PTPRG: variants seen among roughly 807,000 people sequenced by gnomAD.
PTPRG encodes protein tyrosine phosphatase receptor type G, also known as receptor-type tyrosine-protein phosphatase gamma.
PTPRG carries 102 observed loss-of-function variants against 165.3 expected under a neutral mutation model. The observed-to-expected ratio is 0.62, with a 90% CI of 0.53 to 0.73. PTPRG has a LOEUF of 0.73. Ranked by LOEUF, PTPRG falls within the 30% of genes least tolerant of loss-of-function variation. The probability of loss-of-function intolerance (pLI) is 0.00; values close to 1 mark genes in which losing one functional copy is unlikely to be tolerated. For synonymous variants in PTPRG, 675 were observed against 669.5 expected, an observed-to-expected ratio of 1.01 and a Z score of -0.13; for missense variants, 1,866 against 1,861.4, an observed-to-expected ratio of 1.00 and a Z score of -0.05.
intron 2 of PTPRG, among the ~76,000 whole-genome samples, chr3:61,806,299 G>C (rs896966864): frequency 2.6e-5 from 4 of 152,182 alleles, no homozygotes; most frequent in African/African-American, 4.8e-5. Context: ...TGGCGAGAAA[G>C]AAAGTTGAGT....
chr3:61,980,584 G>A (rs890576534), intron 2 of PTPRG, among the ~76,000 whole-genome samples: 6 of 152,060 alleles, frequency 3.9e-5, no homozygotes, highest in Non-Finnish European at 7.4e-5. Flanking sequence ...TGACATTTTC[G>A]TCTTAGTGAA....
chr3:62,258,642 CTT>C (rs1559716626), intron 16 of PTPRG, among the ~76,000 whole-genome samples: 1 of 152,166 alleles, frequency 6.6e-6, no homozygotes, highest in African/African-American at 2.4e-5. Context: ...ACCTTTGACT[CTT>C]TGTCTAGAAG....
At chr3:61,688,341 G>T (rs1404606630) in intron 1 of PTPRG, among the ~76,000 whole-genome samples, 1 of 152,218 alleles carries the variant, frequency 6.6e-6, no homozygotes, top group African/African-American at 2.4e-5. Flanking sequence ...CCACGGGCCA[G>T]CCTAGACTCT....
intron 5 of PTPRG, among the ~76,000 whole-genome samples, chr3:62,091,208 T>C (rs547934965): frequency 1.4e-4 from 21 of 152,330 alleles, no homozygotes; most frequent in African/African-American, 5.0e-4. Context: ...CCTCCTGGCC[T>C]ACTTGCATGT....
chr3:62,153,089 G>A (rs1342688036), intron 6 of PTPRG, among the ~76,000 whole-genome samples: 4 of 152,180 alleles, frequency 2.6e-5, no homozygotes, highest in Non-Finnish European at 5.9e-5. Context: ...GTGAAAGTGT[G>A]CTTGTTATTT....
chr3:62,042,363 C>T (rs1013829191), intron 4 of PTPRG, among the ~76,000 whole-genome samples: 4 of 152,182 alleles, frequency 2.6e-5, no homozygotes, highest in African/African-American at 9.6e-5. Context: ...TCCCAGTGTC[C>T]ATATTTTAAA....
In PTPRG at chr3:62,116,349, A is replaced by T. The variant is rs189281762; in HGVS notation, c.616-16253A>T. The stretch of plus-strand genomic sequence containing the variant: ...GTTACACCCTACTCTGATGTGCTTT[A>T]TTGGCCGGAAATCTTCTTTCCATAA... On this transcript the variant is annotated intron_variant, in intron 5 of 29. Transcript: ENST00000474889. Among the ~76,000 whole-genome samples, 1,282 of 152,234 alleles carry T rather than the reference A, an allele frequency of 8.4e-3. 20 individuals are homozygous for T. Among genetic ancestry groups the T allele is most frequent in the African/African-American group, 0.03 (1,225 of 41,522 alleles).
chr3:62,078,078 G>T, intron 4 of PTPRG, 85 bp from the exon 5 acceptor site: 2 of 852,012 alleles, frequency 2.3e-6, no homozygotes, highest in Non-Finnish European at 3.7e-6. Flanking sequence ...AGCAACTGGG[G>T]AATATACATT....
At chr3:62,160,653 T>C (rs1264488749) in intron 7 of PTPRG, among the ~76,000 whole-genome samples, 1 of 152,258 alleles carries the variant, frequency 6.6e-6, no homozygotes, top group Non-Finnish European at 1.5e-5. Flanking sequence ...TGTTTTCTTC[T>C]AGAATAGTGC....
intron 4 of PTPRG, among the ~76,000 whole-genome samples, chr3:62,029,031 C>A (rs1221368906): frequency 2.6e-5 from 4 of 152,152 alleles, no homozygotes; most frequent in African/African-American, 9.7e-5. Context: ...CCATGGAATG[C>A]ACAACATACA....
intron 4 of PTPRG, among the ~76,000 whole-genome samples, chr3:62,073,122 A>G (rs780297133): frequency 2.0e-5 from 3 of 152,200 alleles, no homozygotes; most frequent in Non-Finnish European, 4.4e-5. Flanking sequence ...AAATAGAAAC[A>G]AAAATAAACA....
At chr3:61,586,848 T>C (rs1700446833) in intron 1 of PTPRG, among the ~76,000 whole-genome samples, 1 of 152,244 alleles carries the variant, frequency 6.6e-6, no homozygotes, top group South Asian at 2.1e-4. Flanking sequence ...TCTCCCTGTT[T>C]ATTCCTTATC....
At chr3:62,092,500 T>TCAATGCCTA (rs1422994228) in intron 5 of PTPRG, among the ~76,000 whole-genome samples, 16 of 149,270 alleles carry the variant, frequency 1.1e-4, no homozygotes, top group African/African-American at 3.9e-4. Flanking sequence ...GTTAATATCC[T>TCAATGCCTA]CAATGCCTAT....
At chr3:62,291,205 G>A (rs1045980801) in intron 28 of PTPRG, among the ~76,000 whole-genome samples, 1 of 152,134 alleles carries the variant, frequency 6.6e-6, no homozygotes, top group Non-Finnish European at 1.5e-5. Flanking sequence ...ATTGGCAAAA[G>A]TGTTTCAAGT....
chr3:61,613,489 T>TG (rs1701230191), intron 1 of PTPRG, among the ~76,000 whole-genome samples: 1 of 152,212 alleles, frequency 6.6e-6, no homozygotes, highest in East Asian at 1.9e-4. Context: ...ATTGGAAGGA[T>TG]GTGTTGAGTC....
chr3:61,793,225 T>G (rs917232697), intron 2 of PTPRG, among the ~76,000 whole-genome samples: 1 of 152,088 alleles, frequency 6.6e-6, no homozygotes, highest in African/African-American at 2.4e-5. Flanking sequence ...AGAATGGGAG[T>G]GGACCACTTA....
chr3:62,000,517 G>C (rs2041148182), intron 3 of PTPRG, among the ~76,000 whole-genome samples: 1 of 152,070 alleles, frequency 6.6e-6, no homozygotes, highest in Non-Finnish European at 1.5e-5. Context: ...CATCCTTTTT[G>C]GCATGCAAAT....
At chr3:62,098,674 C>T (rs1702193253) in intron 5 of PTPRG, among the ~76,000 whole-genome samples, 1 of 152,194 alleles carries the variant, frequency 6.6e-6, no homozygotes, top group Non-Finnish European at 1.5e-5. Context: ...TCTTTATTAC[C>T]TTCCAGGAAA....
intron 1 of PTPRG, among the ~76,000 whole-genome samples, chr3:61,680,528 AC>A (rs1703399446): frequency 6.7e-6 from 1 of 150,156 alleles, no homozygotes; most frequent in Non-Finnish European, 1.5e-5. Context: ...ACACAAAAAA[AC>A]AGCATGGGAG....
Sources: gnomAD v4.1 joint callset for allele counts (sites outside exome capture counted in the v4.1 genomes callset) on GRCh38, gnomAD v4.1.1 for gene constraint, MANE v1.5 for transcripts, NCBI Gene and HGNC (gene_info 2026-07-23, HGNC 2026-07-21) for gene names.